The following NFIB variants were observed in gnomAD, a reference collection of about 807,000 sequenced individuals.
NFIB encodes the protein nuclear factor I B, also known as nuclear factor 1 B-type.
NFIB carries 11 observed loss-of-function variants against 61.5 expected under a neutral mutation model. That is an observed-to-expected ratio of 0.18 (90% CI 0.11 to 0.30). The LOEUF (loss-of-function observed/expected upper bound fraction) is 0.30. NFIB is among the 10% of genes least tolerant of loss of function. The pLI, the probability that NFIB is intolerant of heterozygous loss-of-function variation, is 1.00. For missense variants in NFIB, 471 were observed against 608.9 expected (o/e 0.77, Z 2.38); for synonymous variants, 260 against 216.5 (o/e 1.20, Z -1.76).
chr9:14,125,613 T>C lies in NFIB; in HGVS notation c.1060+19A>G. 1 of 1,613,708 alleles carries C rather than the reference T, an allele frequency of 6.2e-7. No homozygotes were observed. Among genetic ancestry groups the C allele is most frequent in the South Asian group, 1.1e-5 (1 of 91,012 alleles). On this transcript the variant is annotated intron_variant, in intron 7 of 10. Transcript: ENST00000380953. Reference sequence around the variant, plus strand: ...ACAGACAAGAAGGAGGCTTCTCCTCTATGCTTGAAACTCCTCACCACTGTG... The same window carrying C: ...ACAGACAAGAAGGAGGCTTCTCCTCCATGCTTGAAACTCCTCACCACTGTG...
At chr9:14,421,773 G>C in the NFIB span, among the ~76,000 whole-genome samples, 1 of 152,186 alleles carries the variant, frequency 6.6e-6, no homozygotes, top group Admixed American at 6.5e-5. Flanking sequence ...CATTTTCAAT[G>C]AAAGTGCATA....
chr9:14,395,726 CTTTTTTTTTTT>C (rs35417792), intron 1 of NFIB, among the ~76,000 whole-genome samples: 28 of 65,758 alleles, frequency 4.3e-4, no homozygotes, highest in African/African-American at 1.1e-3. Context: ...ATTCTTTTGA[CTTTTTTTTTTT>C]TTTTTTTTTT....
chr9:14,384,567 T>C (rs2061527433), intron 1 of NFIB, among the ~76,000 whole-genome samples: 1 of 152,184 alleles, frequency 6.6e-6, no homozygotes, highest in Non-Finnish European at 1.5e-5. Context: ...ATAGAGTAGA[T>C]TGTCCAACCA....
chr9:14,329,185 G>A (rs1359886141), intron 1 of NFIB, among the ~76,000 whole-genome samples: 1 of 152,204 alleles, frequency 6.6e-6, no homozygotes, highest in Non-Finnish European at 1.5e-5. Flanking sequence ...ACAAAGTTCA[G>A]AGAGGTAAAG....
In NFIB at chr9:14,175,167, C is replaced by CTTTTCTTT. The variant is rs2046033015; in HGVS notation, c.616+4559_616+4560insAAAGAAAA. Among the ~76,000 whole-genome samples the CTTTTCTTT allele has an allele frequency of 4.0e-5, 5 of 126,034 alleles. 1 individual carries two copies. The highest frequency in any genetic ancestry group is 1.6e-4 in the African/African-American group (5 of 30,504). The allele number at this position is 126,034 out of a possible 152,430, so 82.7% of individuals were successfully genotyped here. On this transcript the variant is annotated intron_variant, in intron 3 of 10. Coordinates refer to ENST00000380953, the MANE Select transcript of NFIB (RefSeq NM_001190737.2). ...AAAATTTTTATGACTTAAAGAATTT[C>CTTTTCTTT]TTTTTTTTTTTTTTTTTTTTGAGAT...
chr9:14,481,747 T>G, the NFIB span, among the ~76,000 whole-genome samples: 6 of 152,114 alleles, frequency 3.9e-5, no homozygotes, highest in Non-Finnish European at 8.8e-5. Flanking sequence ...ACATATAGAA[T>G]GTTAGAACTG....
At chr9:14,293,898 A>G (rs2059258997) in intron 2 of NFIB, among the ~76,000 whole-genome samples, 1 of 152,216 alleles carries the variant, frequency 6.6e-6, no homozygotes, top group African/African-American at 2.4e-5. Context: ...TACTAAAAAC[A>G]GTCTGTCTAC....
intron 10 of NFIB, among the ~76,000 whole-genome samples, chr9:14,110,584 T>G (rs752204576): frequency 4.7e-4 from 72 of 152,114 alleles, no homozygotes; most frequent in Non-Finnish European, 8.2e-4. Context: ...TCTAGAAGAA[T>G]GGTCTCTTTT....
chr9:14,373,132 G>A lies in NFIB; in HGVS notation c.108+25392C>T, dbSNP rs113615292. On this transcript the variant is annotated intron_variant, in intron 1 of 8. Transcript: ENST00000380934. ...AGCAAAGGGAACACTGGAGAAGGGT[G>A]GTGGGAATGCTTGGAACACCAAAAG... 1.2e-3 allele frequency among the ~76,000 whole-genome samples: 183 copies of A among 152,288 alleles called. 1 individual carries two copies. Among genetic ancestry groups the A allele is most frequent in the African/African-American group, 4.2e-3 (176 of 41,574 alleles).
chr9:14,332,729 G>C (rs903020028), intron 1 of NFIB, among the ~76,000 whole-genome samples: 1 of 152,204 alleles, frequency 6.6e-6, no homozygotes, highest in Non-Finnish European at 1.5e-5. Context: ...CAGGCAACAA[G>C]TGAATGCCTG....
At chr9:14,380,641 A>G (rs1271706019) in intron 1 of NFIB, among the ~76,000 whole-genome samples, 6 of 152,152 alleles carry the variant, frequency 3.9e-5, no homozygotes, top group Non-Finnish European at 1.5e-5. Flanking sequence ...TGTTGTTCTT[A>G]TCTTGCCTGG....
the NFIB span, among the ~76,000 whole-genome samples, chr9:14,516,658 T>G: frequency 1.3e-5 from 2 of 152,204 alleles, no homozygotes; most frequent in African/African-American, 4.8e-5. Context: ...ATACTCTAAT[T>G]AATACTTCCA....
rs1358016384 is a variant in NFIB, at chr9:14,274,259, C to CAA, written c.562+32729_562+32730insTT. 1.2e-4 allele frequency among the ~76,000 whole-genome samples: 18 copies of CAA among 150,036 alleles called. 1 individual carries two copies. In the East Asian group the frequency reaches 1.6e-3, roughly 13 times the overall value. On this transcript the variant is annotated intron_variant, in intron 2 of 10. Coordinates refer to ENST00000380953, the MANE Select transcript of NFIB (RefSeq NM_001190737.2). ...CTAGCATTCTTCCTCCCTACACACACACACACACACACACACACACACACA... is the reference window on the plus strand; with the variant it reads ...CTAGCATTCTTCCTCCCTACACACACAAACACACACACACACACACACACACA...
chr9:14,317,708 G>A (rs979773627), upstream of NFIB, among the ~76,000 whole-genome samples: 1 of 152,184 alleles, frequency 6.6e-6, no homozygotes, highest in African/African-American at 2.4e-5. Flanking sequence ...CCAATGCCAA[G>A]GTCATTGCAG....
intron 2 of NFIB, among the ~76,000 whole-genome samples, chr9:14,244,669 C>T (rs1216707010): frequency 6.6e-6 from 1 of 152,110 alleles, no homozygotes; most frequent in African/African-American, 2.4e-5. Context: ...AAATTACTGA[C>T]CTCTCTGAAT....
the NFIB span, among the ~76,000 whole-genome samples, chr9:14,523,242 G>A: frequency 6.6e-6 from 1 of 152,080 alleles, no homozygotes; most frequent in Admixed American, 6.6e-5. Flanking sequence ...CTTGGTGTTG[G>A]CTCAGCTTTC....
intron 2 of NFIB, among the ~76,000 whole-genome samples, chr9:14,211,241 A>G (rs2050274748): frequency 6.6e-6 from 1 of 152,226 alleles, no homozygotes; most frequent in African/African-American, 2.4e-5. Context: ...TACCTGGGCT[A>G]TTTTTAAAAT....
chr9:14,515,653 C>T, the NFIB span, among the ~76,000 whole-genome samples: 3 of 152,134 alleles, frequency 2.0e-5, no homozygotes, highest in African/African-American at 2.4e-5. Flanking sequence ...TGCCTCTGAA[C>T]GTCTGAGGCC....
chr9:14,509,978 C>T, the NFIB span, among the ~76,000 whole-genome samples: 7 of 152,168 alleles, frequency 4.6e-5, no homozygotes, highest in Non-Finnish European at 1.0e-4. Flanking sequence ...CTCACTGCAA[C>T]CTTCGCTTCC....
Sources: gnomAD v4.1 joint callset for allele counts (sites outside exome capture counted in the v4.1 genomes callset) on GRCh38, gnomAD v4.1.1 for gene constraint, MANE v1.5 for transcripts, NCBI Gene and HGNC (gene_info 2026-07-23, HGNC 2026-07-21) for gene names.